The following MAD1L1 variants were observed in gnomAD, a reference collection of about 807,000 sequenced individuals.
MAD1L1 encodes mitotic arrest deficient 1 like 1.
Under a neutral mutation model 96.9 loss-of-function variants are expected in MAD1L1, and 95 were observed. The ratio of observed to expected loss-of-function variants is 0.98; its 90% CI spans 0.83 to 1.16. The LOEUF is 1.16. Among genes scored for constraint, MAD1L1 ranks in the 50% most tolerant of loss-of-function variants. The probability of loss-of-function intolerance (pLI) is 0.00; values close to 1 mark genes in which losing one functional copy is unlikely to be tolerated. For synonymous variants in MAD1L1, 473 were observed against 396.6 expected, an observed-to-expected ratio of 1.19 and a Z score of -2.29; for missense variants, 1,007 against 954.4, an observed-to-expected ratio of 1.06 and a Z score of -0.73.
intron 18 of MAD1L1, among the ~76,000 whole-genome samples, chr7:1,841,166 G>A (rs535784819): frequency 6.6e-6 from 1 of 152,332 alleles, no homozygotes; most frequent in South Asian, 2.1e-4. Flanking sequence ...CTGCCCAAGC[G>A]CCAGAGCACA....
chr7:2,230,193 A>G, intron 2 of MAD1L1, 50 bp from the exon 3 acceptor site: 1 of 1,496,852 alleles, frequency 6.7e-7, no homozygotes, highest in South Asian at 1.2e-5. Flanking sequence ...TCCACGTGCC[A>G]TCAGCCGTGC....
chr7:2,042,494 A>G (rs2128511678), intron 12 of MAD1L1, among the ~76,000 whole-genome samples: 1 of 152,336 alleles, frequency 6.6e-6, no homozygotes, highest in East Asian at 1.9e-4. Context: ...TCATTTATTC[A>G]TTCAACAAAT....
At chr7:1,932,923 A>T (rs1469536382) in intron 17 of MAD1L1, among the ~76,000 whole-genome samples, 1 of 152,032 alleles carries the variant, frequency 6.6e-6, no homozygotes, top group African/African-American at 2.4e-5. Flanking sequence ...TTACTTTACA[A>T]ATCTTCTTAG....
chr7:1,973,252 T>G (rs1013309259), intron 15 of MAD1L1, among the ~76,000 whole-genome samples: 24 of 152,206 alleles, frequency 1.6e-4, no homozygotes, highest in African/African-American at 5.1e-4. Flanking sequence ...TCTCTGTTCA[T>G]CCCAGACACT....
intron 3 of MAD1L1, 38 bp from the exon 4 acceptor site, chr7:2,225,588 G>C: frequency 6.2e-7 from 1 of 1,605,606 alleles, no homozygotes; most frequent in Non-Finnish European, 8.5e-7. Flanking sequence ...AGAATCCTCA[G>C]TGACGGCATC....
chr7:2,106,881 G>A (rs537649380), intron 11 of MAD1L1, among the ~76,000 whole-genome samples: 1 of 152,226 alleles, frequency 6.6e-6, no homozygotes, highest in Non-Finnish European at 1.5e-5. Flanking sequence ...CCTGGCCCTG[G>A]CTGAGAGACA....
At chr7:2,199,949 C>A (rs1324637620) in intron 10 of MAD1L1, among the ~76,000 whole-genome samples, 1 of 152,262 alleles carries the variant, frequency 6.6e-6, no homozygotes, top group African/African-American at 2.4e-5. Flanking sequence ...GAGCCCCCTG[C>A]AGTCACTGGT....
chr7:1,853,737 C>T lies in MAD1L1; in HGVS notation c.1999-37509G>A, dbSNP rs80068588. ...CCTTCCTGTCCCACCCTTCCATCCC[C>T]GCCCAATGACAGGAGGCAGCTGGGA... On this transcript the variant is annotated intron_variant, in intron 18 of 18. Transcript: ENST00000265854. 6.8e-3 allele frequency among the ~76,000 whole-genome samples: 1,032 copies of T among 152,270 alleles called. 22 individuals are homozygous for T. The East Asian group carries it at 0.081, about 12-fold the overall frequency.
chr7:1,996,825 T>C (rs59574136), intron 14 of MAD1L1, among the ~76,000 whole-genome samples: 8,962 of 87,278 alleles, frequency 0.1, 119 homozygotes, highest in East Asian at 0.24. Flanking sequence ...AAAGCTTCAC[T>C]CCTCACTCCC....
At chr7:2,224,234 T>C (rs1257795568) in intron 4 of MAD1L1, among the ~76,000 whole-genome samples, 1 of 152,120 alleles carries the variant, frequency 6.6e-6, no homozygotes, top group African/African-American at 2.4e-5. Flanking sequence ...ACCATCAGCA[T>C]GCTGCCTCCA....
chr7:2,221,797 C>G (rs946660869), intron 5 of MAD1L1, among the ~76,000 whole-genome samples: 20 of 152,126 alleles, frequency 1.3e-4, no homozygotes, highest in Non-Finnish European at 2.9e-4. Context: ...ACAGCTATTT[C>G]CAGAAAAGAC....
At chr7:2,079,564 T>C (rs1785533959) in intron 11 of MAD1L1, 5 of 458,902 alleles carry the variant, frequency 1.1e-5, no homozygotes, top group South Asian at 8.0e-5. Context: ...TCAATTTGCA[T>C]TCCCAGATAA....
At chr7:1,942,690 G>A (rs144270718) in intron 16 of MAD1L1, among the ~76,000 whole-genome samples, 46 of 152,240 alleles carry the variant, frequency 3.0e-4, no homozygotes, top group African/African-American at 9.2e-4. Flanking sequence ...CAGAAGACCC[G>A]GCGCTGTCGG....
At chr7:2,155,954 A>G (rs1011324590) in intron 10 of MAD1L1, among the ~76,000 whole-genome samples, 1 of 152,252 alleles carries the variant, frequency 6.6e-6, no homozygotes. Flanking sequence ...ACAATAAAAA[A>G]AATAAGCAAG....
intron 18 of MAD1L1, among the ~76,000 whole-genome samples, chr7:1,866,766 T>C (rs1369251294): frequency 6.6e-6 from 1 of 152,092 alleles, no homozygotes; most frequent in Non-Finnish European, 1.5e-5. Flanking sequence ...ACGGGAGCCC[T>C]GAGGGCCTTC....
intron 12 of MAD1L1, among the ~76,000 whole-genome samples, chr7:2,024,500 G>A (rs6950026): frequency 1.1e-3 from 162 of 152,110 alleles, no homozygotes; most frequent in Middle Eastern, 3.4e-3. Flanking sequence ...AGAAATTGGC[G>A]GTGAGCCAAT....
chr7:1,969,125 T>G (rs1477335523), intron 15 of MAD1L1, among the ~76,000 whole-genome samples: 1 of 152,232 alleles, frequency 6.6e-6, no homozygotes, highest in Non-Finnish European at 1.5e-5. Context: ...GGCTCCCGCC[T>G]GTAATCCCAG....
Position 2,080,360 on chromosome 7 carries a change from G to A in MAD1L1, c.1074-11022C>T, listed in dbSNP as rs149235439. ...TACCACAGATATGAGGTTTAGAAAC[G>A]CTAGCATGGGTAACTAAAGACATGA... is the stretch of plus-strand genomic sequence containing the variant. On this transcript the variant is annotated intron_variant, in intron 11 of 18. Coordinates refer to ENST00000265854, the MANE Select transcript of MAD1L1 (RefSeq NM_001013836.2). Among the ~76,000 whole-genome samples, 247 of 152,280 alleles carry A rather than the reference G, an allele frequency of 1.6e-3. 2 individuals are homozygous for A. Among genetic ancestry groups the A allele is most frequent in the African/African-American group, 5.3e-3 (222 of 41,546 alleles).
Position 1,965,731 on chromosome 7 carries a change from T to A in MAD1L1, c.1506-8012A>T, listed in dbSNP as rs528834768. Among the ~76,000 whole-genome samples the A allele has an allele frequency of 5.9e-5, 9 of 152,386 alleles. No individual in the cohort carries two copies. In the South Asian group the frequency reaches 1.9e-3, roughly 32 times the overall value. On this transcript the variant is annotated intron_variant, in intron 15 of 18. Coordinates refer to ENST00000265854, the MANE Select transcript of MAD1L1 (RefSeq NM_001013836.2). Reference sequence around the variant, plus strand: ...AGGAGCCGTGCTCTCTGTCTGAAGCTGCTGTCGTTCCAGATGGGCAGGACA... The same window carrying A: ...AGGAGCCGTGCTCTCTGTCTGAAGCAGCTGTCGTTCCAGATGGGCAGGACA...
Sources: gnomAD v4.1 joint callset for allele counts (sites outside exome capture counted in the v4.1 genomes callset) on GRCh38, gnomAD v4.1.1 for gene constraint, MANE v1.5 for transcripts, NCBI Gene and HGNC (gene_info 2026-07-23, HGNC 2026-07-21) for gene names.